Variants in NAP1L1 observed in about 807,000 individuals in gnomAD.
The protein encoded by NAP1L1 is nucleosome assembly protein 1 like 1.
In NAP1L1, 9 loss-of-function variants were observed where a neutral mutation model predicts 58.9. The observed-to-expected ratio is 0.15, with a 90% CI of 0.09 to 0.27. The LOEUF (loss-of-function observed/expected upper bound fraction) is 0.27, where lower values mean the gene tolerates loss of function less well. Ranked by LOEUF, NAP1L1 falls within the 10% of genes least tolerant of loss-of-function variation. The pLI is 1.00. For synonymous variants in NAP1L1, 130 were observed against 138.3 expected (o/e 0.94, Z 0.42); for missense variants, 302 against 458.8 (o/e 0.66, Z 3.12).
At chr12:76,077,492 C>T (rs1455461008) in intron 1 of NAP1L1, among the ~76,000 whole-genome samples, 1 of 152,154 alleles carries the variant, frequency 6.6e-6, no homozygotes, top group East Asian at 1.9e-4. Context: ...AACTCAGCTT[C>T]TGAGAGGTGG....
intron 6 of NAP1L1, chr12:76,056,463 G>C: frequency 2.8e-6 from 1 of 351,978 alleles, no homozygotes; most frequent in Non-Finnish European, 5.5e-6. Flanking sequence ...AAAAGCAACA[G>C]AAATACTAAT....
At position 76,053,200 on chromosome 12, in the gene NAP1L1, T is replaced by C. The variant is rs1187384435; in HGVS notation, c.916+5A>G. ...CGTTAATACTCAAGCTAAAACATTA[T>C]TTACCTTCAGGAGGGGCAAAAAAGT... On this transcript the variant is annotated splice_donor_5th_base_variant and intron_variant, in intron 10 of 14. Coordinates refer to ENST00000618691, the MANE Select transcript of NAP1L1 (RefSeq NM_004537.7). The C allele has an allele frequency of 2.5e-6, 4 of 1,613,628 alleles. No individual in the cohort carries two copies. Among genetic ancestry groups the C allele is most frequent in the Admixed American group, 1.7e-5 (1 of 59,954 alleles).
At chr12:76,060,345 C>T in intron 4 of NAP1L1, 66 bp from the exon 5 acceptor site, 1 of 1,506,852 alleles carries the variant, frequency 6.6e-7, no homozygotes. Context: ...TTTTGTCATA[C>T]TGAAACTGAA....
chr12:76,055,051 T>G lies in NAP1L1; in HGVS notation c.598A>C (p.Lys200Gln). ...EPILKHLKDI[K>Q]VKFSDAGQPM... ...TGGCCAGCATCTGAGAACTTCACTT[T>G]AATATCTTTCAAGTGCTTCAGAATA... Residue 200 changes from lysine to glutamine, a missense_variant, in exon 8 of 15, where the codon AAA becomes CAA. By Grantham distance (53) the Lys-to-Gln change is moderately conservative. Transcript: ENST00000618691. 1 of 1,606,712 alleles carries G rather than the reference T, an allele frequency of 6.2e-7. No individual in the cohort carries two copies. The highest frequency in any genetic ancestry group is 8.5e-7 in the Non-Finnish European group (1 of 1,177,680).
chr12:76,077,433 G>A (rs1311642250), intron 1 of NAP1L1, among the ~76,000 whole-genome samples: 3 of 152,130 alleles, frequency 2.0e-5, no homozygotes, highest in Admixed American at 6.5e-5. Flanking sequence ...ATATAAAGCA[G>A]AAAAACATCT....
At chr12:76,068,869 G>A (rs1285548375) in intron 3 of NAP1L1, 40 bp downstream of exon 3, 4 of 1,448,470 alleles carry the variant, frequency 2.8e-6, no homozygotes, top group Non-Finnish European at 1.9e-6. Flanking sequence ...GTAGACATGT[G>A]CCAGCAATCA....
At position 76,039,640 on chromosome 12, in the gene NAP1L1, C is replaced by T. The variant is rs1481154799; in HGVS notation, c.*8789G>A. The T allele has an allele frequency of 6.6e-6, 1 of 152,126 alleles. No homozygotes were observed. The highest frequency in any genetic ancestry group is 1.5e-5 in the Non-Finnish European group (1 of 68,026). The allele number at this position is 152,126 out of a possible 1,614,324, so 9.4% of individuals were successfully genotyped here. A position where few individuals can be genotyped will look rare whatever the true frequency, so the allele number is the denominator to read the frequency against. On this transcript the variant is annotated 3_prime_UTR_variant, in exon 15 of 15. Coordinates refer to ENST00000618691, the MANE Select transcript of NAP1L1 (RefSeq NM_004537.7). ...AGCCTAAAGAACATGCTTATTTAAC[C>T]ACTAGTTGTGTGACAGAAATATCTA...
chr12:76,080,459 A>C (rs1430476843), intron 1 of NAP1L1, among the ~76,000 whole-genome samples: 1 of 152,234 alleles, frequency 6.6e-6, no homozygotes, highest in Non-Finnish European at 1.5e-5. Context: ...ACAGGTTTGT[A>C]GCCTAGGAAC....
intron 3 of NAP1L1, 160 bp from the exon 4 acceptor site, chr12:76,067,633 A>G (rs1949743384): frequency 1.9e-6 from 1 of 521,254 alleles, no homozygotes; most frequent in Admixed American, 3.0e-5. Context: ...AGAATACACT[A>G]AAGGAAAACC....
chr12:76,074,424 C>G (rs1019082601), intron 1 of NAP1L1, 185 bp from the exon 2 acceptor site: 1 of 914,146 alleles, frequency 1.1e-6, no homozygotes, highest in Non-Finnish European at 1.3e-6. Flanking sequence ...CTTACTAGTA[C>G]CAAAAATAAT....
At chr12:76,064,852 C>A (rs1006552222) in intron 4 of NAP1L1, among the ~76,000 whole-genome samples, 1 of 151,598 alleles carries the variant, frequency 6.6e-6, no homozygotes, top group Non-Finnish European at 1.5e-5. Context: ...CTCCAAAGTC[C>A]CAAAGTAAAT....
In NAP1L1 at chr12:76,040,067, A is replaced by G. The variant is rs1383516054; in HGVS notation, c.*8362T>C. On this transcript the variant is annotated 3_prime_UTR_variant, in exon 15 of 15. Transcript: ENST00000618691. ...AGTTCACTACGTTATAGCTTGAATT[A>G]TAGCTGGAAATCAATTGTCCAGCTA... is the stretch of plus-strand genomic sequence containing the variant. 2 of 152,218 alleles carry G rather than the reference A, an allele frequency of 1.3e-5. No homozygotes were observed. The allele number at this position is 152,218 out of a possible 1,614,324, so 9.4% of individuals were successfully genotyped here. A position where few individuals can be genotyped will look rare whatever the true frequency, so the allele number is the denominator to read the frequency against.
At chr12:76,076,308 G>C (rs1950166101) in intron 1 of NAP1L1, among the ~76,000 whole-genome samples, 1 of 152,000 alleles carries the variant, frequency 6.6e-6, no homozygotes, top group Non-Finnish European at 1.5e-5. Context: ...AAATTAGTTT[G>C]ACCTATGGTC....
intron 11 of NAP1L1, among the ~76,000 whole-genome samples, chr12:76,051,743 C>T (rs1243959231): frequency 1.3e-5 from 2 of 152,192 alleles, no homozygotes; most frequent in East Asian, 3.9e-4. Context: ...CCCACTTTGG[C>T]CTGGCTCATG....
chr12:76,053,272 C>T lies in NAP1L1; in HGVS notation c.849G>A (p.Gly283=), dbSNP rs765026596. The change falls in exon 10 of 15, where the codon GGG becomes GGA. Residue 283 remains glycine, a synonymous_variant. Coordinates refer to ENST00000618691, the MANE Select transcript of NAP1L1 (RefSeq NM_004537.7). ...CTGTTTTAGTCACAGTACGAACTGT[C>T]CCACGTCCCTTGTGTTTCTGCTTCT... ...IKKKQKHKGR[G]TVRTVTKTVS... is the part of the protein sequence containing the mutation. 4 of 1,613,894 alleles carry T rather than the reference C, an allele frequency of 2.5e-6. No individual in the cohort carries two copies. The highest frequency in any genetic ancestry group is 3.4e-6 in the Non-Finnish European group (4 of 1,179,952).
chr12:76,065,557 C>T (rs1038046680), intron 4 of NAP1L1, among the ~76,000 whole-genome samples: 17 of 150,524 alleles, frequency 1.1e-4, no homozygotes, highest in Admixed American at 1.1e-3. Context: ...CAGCAATCCT[C>T]TGTAAATCAA....
intron 1 of NAP1L1, among the ~76,000 whole-genome samples, chr12:76,075,727 G>T (rs562308044): frequency 6.6e-6 from 1 of 152,290 alleles, no homozygotes; most frequent in South Asian, 2.1e-4. Context: ...ATCCAAGTAG[G>T]ATTCCAGTTT....
chr12:76,083,176 A>G (rs1368578), intron 1 of NAP1L1, among the ~76,000 whole-genome samples: 131,032 of 152,058 alleles, frequency 0.86, 56,763 homozygotes, highest in East Asian at 1. Flanking sequence ...TTAGGGCAGT[A>G]GGGTTCATTG....
Position 76,049,208 on chromosome 12 carries a change from CAT to C in NAP1L1, c.1130_1131del (p.Tyr377Ter). 1 of 1,613,532 alleles carries C rather than the reference CAT, an allele frequency of 6.2e-7. No individual in the cohort carries two copies. The highest frequency in any genetic ancestry group is 8.5e-7 in the Non-Finnish European group (1 of 1,179,662). On this transcript the variant is annotated frameshift_variant, in exon 14 of 15. Coordinates refer to ENST00000618691, the MANE Select transcript of NAP1L1 (RefSeq NM_004537.7). LOFTEE classifies it high-confidence loss of function. ...GCACTAATTTTGCTCACCTTTGGGTCATAGTCTGGATCATTTTCCTCATCTCC... is the reference window on the plus strand; with the variant it reads ...GCACTAATTTTGCTCACCTTTGGGTCAGTCTGGATCATTTTCCTCATCTCC... The part of the protein sequence containing the change: ...EEGDEENDPD[Y>X]DPKKDQNPAE...
Sources: allele counts gnomAD v4.1 joint callset (sites outside exome capture counted in the v4.1 genomes callset), GRCh38; gene constraint gnomAD v4.1.1; transcripts MANE v1.5; gene names NCBI Gene and HGNC (gene_info 2026-07-23, HGNC 2026-07-21).